ENPP1: variants seen among roughly 807,000 people sequenced by gnomAD.
ENPP1 encodes the protein ectonucleotide pyrophosphatase/phosphodiesterase 1.
A neutral mutation model predicts 122.8 loss-of-function variants in ENPP1; 73 were observed. That is an observed-to-expected ratio of 0.59 (90% CI 0.49 to 0.72). The LOEUF is 0.72. Among genes scored for constraint, ENPP1 ranks in the 30% least tolerant of loss-of-function variants. The pLI, the probability that ENPP1 is intolerant of heterozygous loss-of-function variation, is 0.00. For synonymous variants in ENPP1, 367 were observed against 391.6 expected, an observed-to-expected ratio of 0.94 and a Z score of 0.74; for missense variants, 978 against 1,128.1, an observed-to-expected ratio of 0.87 and a Z score of 1.91.
intron 16 of ENPP1, 44 bp from the exon 17 acceptor site, chr6:131,875,732 G>T: frequency 6.6e-7 from 1 of 1,508,648 alleles, no homozygotes; most frequent in Non-Finnish European, 9.2e-7. Context: ...CCAACTTGTA[G>T]ACAGCTGAAA....
chr6:131,826,365 G>A (rs9372998), intron 1 of ENPP1: 73 of 1,130,344 alleles, frequency 6.5e-5, no homozygotes, highest in Non-Finnish European at 9.0e-5. Context: ...TGCTGCATAG[G>A]AAAAGCTGCT....
intron 6 of ENPP1, among the ~76,000 whole-genome samples, chr6:131,857,445 A>T (rs544551032): frequency 8.6e-5 from 13 of 151,116 alleles, no homozygotes; most frequent in African/African-American, 3.2e-4. Flanking sequence ...TGTGGCACAT[A>T]TACACCATGG....
chr6:131,810,676 T>C (rs1192564728), intron 1 of ENPP1, among the ~76,000 whole-genome samples: 1 of 152,244 alleles, frequency 6.6e-6, no homozygotes, highest in Non-Finnish European at 1.5e-5. Flanking sequence ...GGCCCAGCAC[T>C]ATGATCCTCA....
At chr6:131,843,936 C>T (rs1781772989) in intron 1 of ENPP1, among the ~76,000 whole-genome samples, 1 of 152,002 alleles carries the variant, frequency 6.6e-6, no homozygotes. Context: ...TTTCTAGCTT[C>T]CTGTTGCTAT....
intron 1 of ENPP1, among the ~76,000 whole-genome samples, chr6:131,844,778 A>G (rs939310285): frequency 1.3e-5 from 2 of 152,194 alleles, no homozygotes; most frequent in African/African-American, 4.8e-5. Context: ...GTTGTGAGAA[A>G]AAGAATGAAG....
intron 1 of ENPP1, among the ~76,000 whole-genome samples, chr6:131,813,734 G>A (rs922724430): frequency 6.6e-6 from 1 of 152,140 alleles, no homozygotes; most frequent in African/African-American, 2.4e-5. Flanking sequence ...CTCCAAAAGG[G>A]AGGGAGTAGA....
chr6:131,872,872 T>G (rs1296420767), intron 14 of ENPP1, 51 bp from the exon 15 acceptor site: 1 of 1,595,104 alleles, frequency 6.3e-7, no homozygotes, highest in Non-Finnish European at 8.6e-7. Flanking sequence ...AGTTGACACT[T>G]TTTTAGATAT....
chr6:131,816,610 G>C (rs76159764), intron 1 of ENPP1, among the ~76,000 whole-genome samples: 1 of 152,138 alleles, frequency 6.6e-6, no homozygotes, highest in Non-Finnish European at 1.5e-5. Context: ...AAATATTAAC[G>C]GGAAGACTAT....
intron 1 of ENPP1, among the ~76,000 whole-genome samples, chr6:131,816,132 A>T (rs751665871): frequency 1.3e-5 from 2 of 152,174 alleles, no homozygotes; most frequent in Non-Finnish European, 2.9e-5. Flanking sequence ...GATGACTACC[A>T]TTGTAAAATA....
At chr6:131,823,281 C>A (rs573981612) in intron 1 of ENPP1, among the ~76,000 whole-genome samples, 1 of 152,164 alleles carries the variant, frequency 6.6e-6, no homozygotes, top group Non-Finnish European at 1.5e-5. Context: ...GGGAGCAAAT[C>A]TGTTGGCTTG....
At chr6:131,847,112 A>G (rs1044463968) in intron 1 of ENPP1, among the ~76,000 whole-genome samples, 6 of 152,192 alleles carry the variant, frequency 3.9e-5, no homozygotes, top group African/African-American at 1.4e-4. Flanking sequence ...GACCCTCTTC[A>G]GGGCTCGTTC....
At chr6:131,889,758 C>T (rs143827592) in intron 24 of ENPP1, among the ~76,000 whole-genome samples, 6 of 152,152 alleles carry the variant, frequency 3.9e-5, no homozygotes, top group East Asian at 1.9e-4. Context: ...CATATGCGTG[C>T]GTGTATCTGT....
intron 1 of ENPP1, among the ~76,000 whole-genome samples, chr6:131,839,371 A>G (rs1046896958): frequency 3.3e-5 from 5 of 151,424 alleles, no homozygotes; most frequent in Non-Finnish European, 5.9e-5. Context: ...CTGGTGAATC[A>G]TGGTGGTTCA....
intron 7 of ENPP1, among the ~76,000 whole-genome samples, chr6:131,859,766 G>A (rs924057017): frequency 2.0e-5 from 3 of 152,078 alleles, no homozygotes; most frequent in Non-Finnish European, 2.9e-5. Flanking sequence ...GGTGGTTGTC[G>A]GCTAATTGTC....
At chr6:131,812,186 T>G (rs1263669490) in intron 1 of ENPP1, among the ~76,000 whole-genome samples, 2 of 152,188 alleles carry the variant, frequency 1.3e-5, no homozygotes, top group Non-Finnish European at 2.9e-5. Flanking sequence ...CAAAGCATAA[T>G]CAATTTAAGA....
intron 13 of ENPP1, among the ~76,000 whole-genome samples, chr6:131,871,600 TG>T (rs1782162737): frequency 6.6e-6 from 1 of 152,202 alleles, no homozygotes; most frequent in African/African-American, 2.4e-5. Flanking sequence ...TTATTTTTGT[TG>T]TTGAGTATTT....
At chr6:131,815,387 CCTT>C (rs1781401267) in intron 1 of ENPP1, among the ~76,000 whole-genome samples, 1 of 152,160 alleles carries the variant, frequency 6.6e-6, no homozygotes, top group Non-Finnish European at 1.5e-5. Context: ...GCTTTCTGTC[CCTT>C]CTTTTCTTCT....
chr6:131,836,895 TA>T lies in ENPP1; in HGVS notation c.241-10880del, dbSNP rs375392305. On this transcript the variant is annotated intron_variant, in intron 1 of 24. Transcript: ENST00000647893. ...ATCCATAGAAGCAGGAATCCCTTTT[TA>T]GGGAAAGTGCTTGTGACCTTAGCTT... Among the ~76,000 whole-genome samples, 1,099 of 152,294 alleles carry T rather than the reference TA, an allele frequency of 7.2e-3. 12 individuals are homozygous for T. Among genetic ancestry groups the T allele is most frequent in the African/African-American group, 0.024 (990 of 41,564 alleles).
At position 131,851,233 on chromosome 6, in the gene ENPP1, C is replaced by G. The variant is rs144882196; in HGVS notation, c.522C>G (p.Gly174=). ...GTTCAGATGACTGCAAGGACAAGGG[C>G]GACTGCTGCATCAACTACAGTTCTG... is the stretch of plus-strand genomic sequence containing the variant. ...CACSDDCKDK[G]DCCINYSSVC... is the part of the protein sequence containing the mutation. Residue 174 remains glycine (G), a synonymous_variant, in exon 4 of 25, where the codon GGC becomes GGG. Coordinates refer to ENST00000647893, the MANE Select transcript of ENPP1 (RefSeq NM_006208.3). 7.3e-5 allele frequency: 118 copies of G among 1,613,944 alleles called. No individual in the cohort carries two copies. Among genetic ancestry groups the G allele is most frequent in the Non-Finnish European group, 9.5e-5 (112 of 1,179,958 alleles).
Sources: allele counts gnomAD v4.1 joint callset (sites outside exome capture counted in the v4.1 genomes callset), GRCh38; gene constraint gnomAD v4.1.1; transcripts MANE v1.5; gene names NCBI Gene and HGNC (gene_info 2026-07-23, HGNC 2026-07-21).